Variants in CACNB2 observed in about 807,000 individuals in gnomAD.
CACNB2 encodes voltage-dependent L-type calcium channel subunit beta-2.
CACNB2 carries 42 observed loss-of-function variants against 73.3 expected under a neutral mutation model. The ratio of observed to expected loss-of-function variants is 0.57; its 90% CI spans 0.45 to 0.74. The LOEUF (loss-of-function observed/expected upper bound fraction) is 0.74, where lower values mean the gene tolerates loss of function less well. CACNB2 is among the 30% of genes least tolerant of loss of function. The pLI, the probability that CACNB2 is intolerant of heterozygous loss-of-function variation, is 0.00. For synonymous variants in CACNB2, 348 were observed against 310.3 expected (o/e 1.12, Z -1.28); for missense variants, 940 against 853.0 (o/e 1.10, Z -1.27).
At chr10:18,283,616 A>G (rs1303199661) in intron 2 of CACNB2, among the ~76,000 whole-genome samples, 2 of 144,762 alleles carry the variant, frequency 1.4e-5, no homozygotes, top group Non-Finnish European at 3.0e-5. Flanking sequence ...TGGAAACTGA[A>G]CAATGAGAAC....
In CACNB2 at chr10:18,154,477, T is replaced by C. The variant is rs111291743; in HGVS notation, c.213+3502T>C. Among the ~76,000 whole-genome samples the C allele has an allele frequency of 1.6e-3, 242 of 152,146 alleles. 1 individual carries two copies. The highest frequency in any genetic ancestry group is 5.4e-3 in the African/African-American group (224 of 41,496). On this transcript the variant is annotated intron_variant, in intron 2 of 13. Transcript: ENST00000324631. ...GTTATCTTTTTTTTTTGTTTTTGTT[T>C]TTTGTTTTGAGGTGGAGTCTCACTC...
intron 2 of CACNB2, chr10:18,260,840 C>CT: frequency 1.9e-6 from 2 of 1,073,284 alleles, no homozygotes; most frequent in South Asian, 6.0e-5. Flanking sequence ...AAGCAGAGTA[C>CT]TGCAGGGTCG....
intron 2 of CACNB2, among the ~76,000 whole-genome samples, chr10:18,204,850 C>A (rs2035024342): frequency 6.6e-6 from 1 of 152,038 alleles, no homozygotes; most frequent in Admixed American, 6.6e-5. Context: ...GCATTCCATA[C>A]TGTACTTTCT....
chr10:18,487,541 T>A (rs746593151), intron 3 of CACNB2, among the ~76,000 whole-genome samples: 13 of 152,106 alleles, frequency 8.5e-5, no homozygotes, highest in Non-Finnish European at 1.5e-4. Flanking sequence ...CTTCTCAAGA[T>A]GAGTGATTTG....
rs1256268232 is a variant in CACNB2, at chr10:18,430,941, ATATTTC to A, written c.333+28904_333+28909del. Among the ~76,000 whole-genome samples, 6 of 152,256 alleles carry A rather than the reference ATATTTC, an allele frequency of 3.9e-5. No individual in the cohort carries two copies. In the East Asian group the frequency reaches 1.2e-3, roughly 29 times the overall value. On this transcript the variant is annotated intron_variant, in intron 3 of 13. Coordinates refer to ENST00000324631, the MANE Select transcript of CACNB2 (RefSeq NM_201596.3). ...GGTCTGGTCAGATGCTTTTGTAATT[ATATTTC>A]TATTTGATGCCTCCTTTATCTGAGA...
intron 2 of CACNB2, among the ~76,000 whole-genome samples, chr10:18,200,976 G>T (rs1213690299): frequency 6.6e-6 from 1 of 152,154 alleles, no homozygotes; most frequent in South Asian, 2.1e-4. Flanking sequence ...ACTCTGTGCA[G>T]TAAGAATTTG....
At chr10:18,510,253 G>A (rs1312529824) in intron 6 of CACNB2, among the ~76,000 whole-genome samples, 3 of 152,160 alleles carry the variant, frequency 2.0e-5, no homozygotes, top group African/African-American at 2.4e-5. Flanking sequence ...TATGTGTGTG[G>A]AAAGCCAAAC....
intron 3 of CACNB2, among the ~76,000 whole-genome samples, chr10:18,444,607 G>A (rs2046643529): frequency 6.6e-6 from 1 of 152,156 alleles, no homozygotes; most frequent in Non-Finnish European, 1.5e-5. Flanking sequence ...AAAAAAGTAA[G>A]CAGGACTGCA....
chr10:18,449,783 C>G (rs891749385), intron 3 of CACNB2, among the ~76,000 whole-genome samples: 6 of 152,190 alleles, frequency 3.9e-5, no homozygotes, highest in African/African-American at 1.4e-4. Flanking sequence ...GGAGCATATC[C>G]CAGGGGCTGC....
intron 2 of CACNB2, among the ~76,000 whole-genome samples, chr10:18,200,651 G>A (rs1263109005): frequency 3.3e-5 from 5 of 151,770 alleles, no homozygotes; most frequent in Admixed American, 1.3e-4. Flanking sequence ...CTTTTTCCCC[G>A]CGGTAGAAGT....
chr10:18,382,193 C>A (rs2043047816), intron 2 of CACNB2, among the ~76,000 whole-genome samples: 1 of 151,878 alleles, frequency 6.6e-6, no homozygotes, highest in Non-Finnish European at 1.5e-5. Flanking sequence ...TATACTTGCT[C>A]AGAATGGATC....
intron 2 of CACNB2, among the ~76,000 whole-genome samples, chr10:18,268,563 G>A (rs1450829573): frequency 6.6e-6 from 1 of 152,154 alleles, no homozygotes; most frequent in Admixed American, 6.5e-5. Flanking sequence ...TTCTACATGT[G>A]TTTGCATTTA....
intron 2 of CACNB2, among the ~76,000 whole-genome samples, chr10:18,305,271 T>A (rs2039683854): frequency 6.6e-6 from 1 of 152,258 alleles, no homozygotes; most frequent in Non-Finnish European, 1.5e-5. Context: ...TGTTTTATTA[T>A]GTCACTTGTT....
intron 2 of CACNB2, among the ~76,000 whole-genome samples, chr10:18,325,437 C>G (rs1426831681): frequency 6.6e-6 from 1 of 151,898 alleles, no homozygotes; most frequent in Non-Finnish European, 1.5e-5. Context: ...TCAGGCAATC[C>G]TCCTGCCTTG....
intron 3 of CACNB2, among the ~76,000 whole-genome samples, chr10:18,408,231 C>CT (rs71402161): frequency 0.32 from 25,166 of 77,806 alleles, 5,626 homozygotes; most frequent in Non-Finnish European, 0.4. Flanking sequence ...CTATCCCTGA[C>CT]TTTTTTTTTT....
At chr10:18,355,882 C>T (rs112701401) in intron 2 of CACNB2, among the ~76,000 whole-genome samples, 2 of 152,098 alleles carry the variant, frequency 1.3e-5, no homozygotes, top group African/African-American at 2.4e-5. Context: ...ATGATCCACC[C>T]GCCTCTGCCT....
At chr10:18,535,824 T>G (rs1037052456) in intron 11 of CACNB2, among the ~76,000 whole-genome samples, 12 of 152,136 alleles carry the variant, frequency 7.9e-5, no homozygotes, top group Non-Finnish European at 1.8e-4. Context: ...TGTGAATTTT[T>G]AAATAAATGT....
chr10:18,512,637 T>C (rs1371433644), intron 6 of CACNB2, among the ~76,000 whole-genome samples: 1 of 152,178 alleles, frequency 6.6e-6, no homozygotes, highest in African/African-American at 2.4e-5. Context: ...ACATCTTTAT[T>C]AATCAAAATA....
At chr10:18,254,537 T>C (rs775832438) in intron 2 of CACNB2, among the ~76,000 whole-genome samples, 4 of 152,106 alleles carry the variant, frequency 2.6e-5, no homozygotes, top group African/African-American at 4.8e-5. Context: ...TGATTGTTGG[T>C]CTGAAAAACA....
Sources: gnomAD v4.1 joint callset for allele counts (sites outside exome capture counted in the v4.1 genomes callset) on GRCh38, gnomAD v4.1.1 for gene constraint, MANE v1.5 for transcripts, NCBI Gene and HGNC (gene_info 2026-07-23, HGNC 2026-07-21) for gene names.